Variants in FRMD6 observed in about 807,000 individuals in gnomAD.
The protein encoded by FRMD6 is FERM domain containing 6, also known as FERM domain-containing protein 6.
A neutral mutation model predicts 73.2 loss-of-function variants in FRMD6; 37 were observed. The ratio of observed to expected loss-of-function variants is 0.51; its 90% CI spans 0.39 to 0.66. The LOEUF is 0.66. Among genes scored for constraint, FRMD6 ranks in the 30% least tolerant of loss-of-function variants. The probability of loss-of-function intolerance (pLI) is 0.00; values close to 1 mark genes in which losing one functional copy is unlikely to be tolerated. For synonymous variants in FRMD6, 273 were observed against 282.2 expected (o/e 0.97, Z 0.33); for missense variants, 714 against 780.5 (o/e 0.91, Z 1.02).
intron 2 of FRMD6, among the ~76,000 whole-genome samples, chr14:51,620,766 C>T (rs527870481): frequency 6.6e-6 from 1 of 152,318 alleles, no homozygotes; most frequent in Admixed American, 6.5e-5. Context: ...CACTGACACT[C>T]CTATGGGCCT....
At chr14:51,421,828 G>C in the FRMD6 span, among the ~76,000 whole-genome samples, 33,343 of 152,168 alleles carry the variant, frequency 0.22, 4,317 homozygotes, top group East Asian at 0.5. Context: ...ACATCAGGAA[G>C]AGTCCCACAG....
chr14:51,708,890 A>G (rs1896783645), intron 7 of FRMD6, among the ~76,000 whole-genome samples: 1 of 152,140 alleles, frequency 6.6e-6, no homozygotes, highest in African/African-American at 2.4e-5. Flanking sequence ...TGTATTCCAC[A>G]CGTTCCTCAC....
chr14:51,702,133 G>A (rs902125955), intron 4 of FRMD6, among the ~76,000 whole-genome samples: 2 of 152,052 alleles, frequency 1.3e-5, no homozygotes, highest in African/African-American at 4.8e-5. Context: ...TGGAATGTCA[G>A]AGGAACAAGA....
At chr14:51,407,152 T>G in the FRMD6 span, among the ~76,000 whole-genome samples, 1 of 152,108 alleles carries the variant, frequency 6.6e-6, no homozygotes, top group Non-Finnish European at 1.5e-5. Context: ...CCATGTAGTA[T>G]TATTTTTTTT....
the FRMD6 span, among the ~76,000 whole-genome samples, chr14:51,440,548 A>G: frequency 1.3e-5 from 2 of 152,194 alleles, no homozygotes; most frequent in Non-Finnish European, 2.9e-5. Context: ...TTCTCAAAGA[A>G]TTGTCACCAG....
chr14:51,525,598 C>T (rs1885207314), intron 1 of FRMD6, among the ~76,000 whole-genome samples: 1 of 152,098 alleles, frequency 6.6e-6, no homozygotes, highest in African/African-American at 2.4e-5. Context: ...AAAGACCCTT[C>T]TTTCTTTACA....
chr14:51,670,945 C>T (rs565499250), intron 1 of FRMD6, among the ~76,000 whole-genome samples: 73 of 152,278 alleles, frequency 4.8e-4, no homozygotes, highest in African/African-American at 1.6e-3. Context: ...CCGTGCCCGG[C>T]GGTTTGTATG....
At chr14:51,483,116 C>T in the FRMD6 span, among the ~76,000 whole-genome samples, 1 of 152,118 alleles carries the variant, frequency 6.6e-6, no homozygotes, top group Non-Finnish European at 1.5e-5. Context: ...TCTAGTGATA[C>T]CAGTAACAGT....
At chr14:51,427,447 C>A in the FRMD6 span, among the ~76,000 whole-genome samples, 630 of 152,294 alleles carry the variant, frequency 4.1e-3, 4 homozygotes, top group African/African-American at 0.014. Context: ...GTATGAAGAA[C>A]CTTATGGGAG....
chr14:51,458,463 G>C, the FRMD6 span, among the ~76,000 whole-genome samples: 2 of 152,148 alleles, frequency 1.3e-5, no homozygotes, highest in African/African-American at 4.8e-5. Flanking sequence ...AAGGGTTTTT[G>C]TTGTGTTTTA....
intron 3 of FRMD6, among the ~76,000 whole-genome samples, chr14:51,700,788 G>A (rs1205002980): frequency 1.3e-5 from 2 of 151,946 alleles, no homozygotes; most frequent in Admixed American, 6.6e-5. Flanking sequence ...AGAAAAAGCA[G>A]AAGTTGGAAT....
At chr14:51,636,461 T>C (rs116424290) in intron 2 of FRMD6, among the ~76,000 whole-genome samples, 1 of 152,204 alleles carries the variant, frequency 6.6e-6, no homozygotes. Context: ...TTTCTGCCAA[T>C]AACTAAATTG....
intron 1 of FRMD6, among the ~76,000 whole-genome samples, chr14:51,497,892 G>A (rs988855812): frequency 6.6e-6 from 1 of 152,134 alleles, no homozygotes; most frequent in East Asian, 1.9e-4. Flanking sequence ...TCATCCAGTT[G>A]AGAGTCTACT....
At chr14:51,459,884 C>CTTTTT in the FRMD6 span, among the ~76,000 whole-genome samples, 59 of 74,642 alleles carry the variant, frequency 7.9e-4, 7 homozygotes, top group African/African-American at 3.0e-3. Context: ...TACTGACTCT[C>CTTTTT]TTTTTTTTTT....
chr14:51,412,622 C>T, the FRMD6 span, among the ~76,000 whole-genome samples: 6 of 151,952 alleles, frequency 3.9e-5, no homozygotes, highest in South Asian at 6.2e-4. Context: ...GAGGCCGAGG[C>T]GGGTGGATCA....
chr14:51,499,601 G>T (rs111917099), intron 1 of FRMD6, among the ~76,000 whole-genome samples: 40 of 152,350 alleles, frequency 2.6e-4, no homozygotes, highest in African/African-American at 7.2e-4. Flanking sequence ...AGGCAGCCCA[G>T]CTCCGAGGTC....
chr14:51,728,575 G>T lies in FRMD6; in HGVS notation c.*546G>T. The T allele has an allele frequency of 6.4e-6, 1 of 155,888 alleles. No homozygotes were observed. Among genetic ancestry groups the T allele is most frequent in the Non-Finnish European group, 1.4e-5 (1 of 69,926 alleles). The allele number at this position is 155,888 out of a possible 1,614,324, so 9.7% of individuals were successfully genotyped here. On this transcript the variant is annotated 3_prime_UTR_variant, in exon 14 of 14. Coordinates refer to ENST00000344768, the MANE Select transcript of FRMD6 (RefSeq NM_001267046.2). ...ATGGAGTGGTCAAAATCATAAGGTT[G>T]TAGCAAGCCAAAGATACGTATGTGA...
At chr14:51,468,008 A>T in the FRMD6 span, among the ~76,000 whole-genome samples, 1 of 152,122 alleles carries the variant, frequency 6.6e-6, no homozygotes, top group Non-Finnish European at 1.5e-5. Flanking sequence ...AACATTGAGC[A>T]CTGAGTGAGC....
At chr14:51,514,012 G>T (rs777546081) in intron 1 of FRMD6, among the ~76,000 whole-genome samples, 1 of 152,180 alleles carries the variant, frequency 6.6e-6, no homozygotes, top group Non-Finnish European at 1.5e-5. Context: ...ACTTTGCCAG[G>T]ATTAAATCAG....
Sources: gnomAD v4.1 joint callset for allele counts (sites outside exome capture counted in the v4.1 genomes callset) on GRCh38, gnomAD v4.1.1 for gene constraint, MANE v1.5 for transcripts, NCBI Gene and HGNC (gene_info 2026-07-23, HGNC 2026-07-21) for gene names.